The following FREM3 variants were observed in gnomAD, a reference collection of about 807,000 sequenced individuals.
FREM3 encodes FRAS1 related extracellular matrix 3, also known as FRAS1-related extracellular matrix protein 3.
In FREM3, 105 loss-of-function variants were observed where a neutral mutation model predicts 129.1. The observed-to-expected ratio is 0.81, with a 90% CI of 0.69 to 0.96. FREM3 has a LOEUF of 0.96. FREM3 is among the 40% of genes least tolerant of loss of function. The pLI is 0.00. For missense variants in FREM3, 2,593 were observed against 2,666.3 expected (o/e 0.97, Z 0.61); for synonymous variants, 1,014 against 1,044.9 (o/e 0.97, Z 0.57).
In FREM3 at chr4:143,621,104, A is replaced by G; in HGVS notation, c.5712T>C (p.Leu1904=). Reference sequence around the variant, plus strand: ...CTCCAGATCGTCTTACTGGAATCAAAAGTTCCCCAATGTCCTCTTCTATTT... The same window carrying G: ...CTCCAGATCGTCTTACTGGAATCAAGAGTTCCCCAATGTCCTCTTCTATTT... ...EYKIEEDIGE[L]LIPVRRSGDA... Residue 1904 remains leucine (L), a synonymous_variant, in exon 5 of 8, where the codon CTT becomes CTC. Transcript: ENST00000329798. 1 of 1,537,150 alleles carries G rather than the reference A, an allele frequency of 6.5e-7. No individual in the cohort carries two copies.
At chr4:143,662,190 G>A (rs1256769732) in intron 2 of FREM3, among the ~76,000 whole-genome samples, 6 of 152,098 alleles carry the variant, frequency 3.9e-5, no homozygotes, top group Admixed American at 2.0e-4. Flanking sequence ...TAGGGTGTCA[G>A]TTTTGGATCT....
chr4:143,692,931 C>T lies in FREM3; in HGVS notation c.5275+182G>A, dbSNP rs1195329137. ...TCCTAAAAAGTTATTTATCAAGAAT[C>T]GTTTGGCACAGGACCATAAGTGAAA... On this transcript the variant is annotated intron_variant, in intron 2 of 7. Coordinates refer to ENST00000329798, the MANE Select transcript of FREM3 (RefSeq NM_001168235.2). 3.3e-5 allele frequency among the ~76,000 whole-genome samples: 5 copies of T among 152,036 alleles called. 1 individual carries two copies. The highest frequency in any genetic ancestry group is 4.1e-4 in the South Asian group (2 of 4,824).
rs1205645299 is a variant in FREM3 at position 143,700,118 on chromosome 4, G to A, written c.558C>T (p.Arg186=). The change falls in exon 1 of 8, where the codon CGC becomes CGT. Residue 186 remains arginine, a synonymous_variant. Coordinates refer to ENST00000329798, the MANE Select transcript of FREM3 (RefSeq NM_001168235.2). ...AGTCCAGCACTCTCCTGTCTATGGC[G>A]CGGCTCCAGCTTCGCAGCTTCTCCA... is the stretch of plus-strand genomic sequence containing the variant. ...LVVEKLRSWS[R]AIDRRVLDFA... is the part of the protein sequence containing the mutation. 7 of 1,537,030 alleles carry A rather than the reference G, an allele frequency of 4.6e-6. No homozygotes were observed. Among genetic ancestry groups the A allele is most frequent in the South Asian group, 1.2e-5 (1 of 84,062 alleles).
chr4:143,662,019 G>T (rs977977931), intron 2 of FREM3, among the ~76,000 whole-genome samples: 1 of 151,578 alleles, frequency 6.6e-6, no homozygotes, highest in East Asian at 1.9e-4. Flanking sequence ...TATCAATTTT[G>T]TTGATCCTTT....
Position 143,699,822 on chromosome 4 carries a change from A to AGCACACCCGCGGACCC in FREM3, c.838_853dup (p.Leu285ArgfsTer49). 6.5e-7 allele frequency: 1 copy of AGCACACCCGCGGACCC among 1,536,552 alleles called. No individual in the cohort carries two copies. ...GAGCAGCTGGAAGTGCTCGCGGACCAGCACACCCGCGGACCCAGCGTCTTG... is the reference window on the plus strand; with the variant it reads ...GAGCAGCTGGAAGTGCTCGCGGACCAGCACACCCGCGGACCCGCACACCCGCGGACCCAGCGTCTTG... On this transcript the variant is annotated frameshift_variant, in exon 1 of 8. Transcript: ENST00000329798. LOFTEE classifies it high-confidence loss of function. The surrounding 1 kb of genome is among the most constrained non-coding windows in gnomAD (Gnocchi z 4.2).
chr4:143,608,030 T>G (rs946303369), intron 6 of FREM3, among the ~76,000 whole-genome samples: 5 of 152,102 alleles, frequency 3.3e-5, no homozygotes, highest in African/African-American at 1.2e-4. Context: ...TCAGCTCCCC[T>G]TTTTCTCTGT....
chr4:143,591,807 G>T (rs1199909519), intron 6 of FREM3, among the ~76,000 whole-genome samples: 6 of 152,104 alleles, frequency 3.9e-5, no homozygotes, highest in Non-Finnish European at 8.8e-5. Context: ...TTAACTTTCT[G>T]TCTCACTGAT....
Position 143,698,703 on chromosome 4 carries a change from C to T in FREM3, c.1973G>A (p.Arg658His), listed in dbSNP as rs190876969. The T allele has an allele frequency of 5.3e-5, 81 of 1,537,192 alleles. No homozygotes were observed. Among genetic ancestry groups the T allele is most frequent in the African/African-American group, 2.3e-4 (17 of 73,012 alleles). ...RDIMEGRLFY[R>H]HLGPHSPQSV... ...TTGAGGGCTGTGTGGTCCAAGATGG[C>T]GGTAGAAGAGTCTCCCTTCCATTAT... The change falls in exon 1 of 8, where the codon CGC becomes CAC. Residue 658 changes from arginine (R) to histidine (H), a missense_variant. Coordinates refer to ENST00000329798, the MANE Select transcript of FREM3 (RefSeq NM_001168235.2).
At chr4:143,680,603 T>C (rs1015816030) in intron 2 of FREM3, among the ~76,000 whole-genome samples, 2 of 152,136 alleles carry the variant, frequency 1.3e-5, no homozygotes, top group African/African-American at 2.4e-5. Flanking sequence ...TTGACACTTA[T>C]ACTTTTCTTA....
At chr4:143,671,931 A>T (rs947707611) in intron 2 of FREM3, among the ~76,000 whole-genome samples, 6 of 152,188 alleles carry the variant, frequency 3.9e-5, no homozygotes, top group Non-Finnish European at 2.9e-5. Context: ...TCTGAATGAG[A>T]TTTTATAGTC....
intron 6 of FREM3, among the ~76,000 whole-genome samples, chr4:143,587,974 T>C (rs1028611979): frequency 6.6e-6 from 1 of 152,212 alleles, no homozygotes; most frequent in Non-Finnish European, 1.5e-5. Flanking sequence ...GCAACCTTCC[T>C]GCATCCTCTG....
In FREM3 at chr4:143,696,082, C is replaced by T. The variant is rs1310526321; in HGVS notation, c.4594G>A (p.Asp1532Asn). 6.5e-7 allele frequency: 1 copy of T among 1,537,526 alleles called. No individual in the cohort carries two copies. The highest frequency in any genetic ancestry group is 8.7e-7 in the Non-Finnish European group (1 of 1,146,986). The change falls in exon 1 of 8, where the codon GAT (aspartate) becomes AAT (asparagine). Residue 1532 changes from aspartate (D) to asparagine (N), a missense_variant. Asp to Asn is a conservative substitution (Grantham distance 23, BLOSUM62 1). Transcript: ENST00000329798. ...VFRTFRIFIT[D>N]VDNKKPILTI... ...AAGATAGGTTTCTTATTATCCACATCAGTGATGAAGATCCTGAAGGTTCTG... is the reference window on the plus strand; with the variant it reads ...AAGATAGGTTTCTTATTATCCACATTAGTGATGAAGATCCTGAAGGTTCTG...
chr4:143,595,638 A>G (rs1738458878), intron 6 of FREM3, among the ~76,000 whole-genome samples: 1 of 152,172 alleles, frequency 6.6e-6, no homozygotes, highest in Non-Finnish European at 1.5e-5. Context: ...CTGTAATCCC[A>G]GCACTTTGGG....
At chr4:143,588,210 T>C (rs1738277394) in intron 6 of FREM3, among the ~76,000 whole-genome samples, 1 of 152,176 alleles carries the variant, frequency 6.6e-6, no homozygotes, top group African/African-American at 2.4e-5. Flanking sequence ...TGCAAAAATG[T>C]TAAATTTACC....
chr4:143,629,778 A>G (rs1458225520), intron 2 of FREM3, among the ~76,000 whole-genome samples: 1 of 152,118 alleles, frequency 6.6e-6, no homozygotes, highest in Non-Finnish European at 1.5e-5. Context: ...GGACAGTTTC[A>G]GGAGGATGAG....
Position 143,697,963 on chromosome 4 carries a change from CA to C in FREM3, c.2712del (p.His904GlnfsTer16). ...DVINGSVSYQHGRDQTTTSDT... is the reference protein window; with the variant it reads ...DVINGSVSYQXGRDQTTTSDT... ...TCACTGGTAGTCGTCTGGTCTCTGC[CA>C]TGCTGGTAAGAGACACTCCCGTTAA... On this transcript the variant is annotated frameshift_variant, in exon 1 of 8. Coordinates refer to ENST00000329798, the MANE Select transcript of FREM3 (RefSeq NM_001168235.2). LOFTEE classifies it high-confidence loss of function. 1 of 1,537,724 alleles carries C rather than the reference CA, an allele frequency of 6.5e-7. No individual in the cohort carries two copies. The highest frequency in any genetic ancestry group is 8.7e-7 in the Non-Finnish European group (1 of 1,147,036).
Position 143,700,504 on chromosome 4 carries a change from C to A in FREM3, c.172G>T (p.Asp58Tyr). 1 of 1,515,084 alleles carries A rather than the reference C, an allele frequency of 6.6e-7. No individual in the cohort carries two copies. Among genetic ancestry groups the A allele is most frequent in the Non-Finnish European group, 8.8e-7 (1 of 1,134,508 alleles). 93.9% of individuals were successfully genotyped at this position (1,515,084 alleles called of 1,614,324 possible). A position where few individuals can be genotyped will look rare whatever the true frequency, so the allele number is the denominator to read the frequency against. ...TTGGCAATCAGCACGCTGGGGCCGT[C>A]GGGGCGAGTGCCGTCAAGCGCACCC... ...ARGALDGTRP[D>Y]GPSVLIANPG... is the part of the protein sequence containing the mutation. Residue 58 changes from aspartate (D) to tyrosine (Y), a missense_variant, in exon 1 of 8, where the codon GAC becomes TAC. This residue lies in a region of FREM3 where 2,276 missense variants were observed against 2,267.2 expected (regional missense o/e 1.00). Transcript: ENST00000329798.
rs78946991 is a variant in FREM3, at chr4:143,627,302, T to C, written c.5422+312A>G. On this transcript the variant is annotated intron_variant, in intron 3 of 7. Transcript: ENST00000329798. ...TGCTTAAAACAACTTTTAAGGAAATTGAGTGACTTGAAGATTGTGGGATGG... is the reference window on the plus strand; with the variant it reads ...TGCTTAAAACAACTTTTAAGGAAATCGAGTGACTTGAAGATTGTGGGATGG... 9.6e-3 allele frequency among the ~76,000 whole-genome samples: 1,455 copies of C among 152,286 alleles called. 29 individuals are homozygous for C. Among genetic ancestry groups the C allele is most frequent in the African/African-American group, 0.033 (1,371 of 41,560 alleles).
chr4:143,577,939 T>C, intron 7 of FREM3, 87 bp from the exon 8 acceptor site: 1 of 1,361,940 alleles, frequency 7.3e-7, no homozygotes, highest in South Asian at 1.5e-5. Flanking sequence ...TCACCAACTC[T>C]GCGGCATTCA....
Sources: gnomAD v4.1 joint callset for allele counts (sites outside exome capture counted in the v4.1 genomes callset) on GRCh38, gnomAD v4.1.1 for gene constraint, gnomAD v4.1.1 regional missense constraint, Gnocchi (gnomAD v3.1) non-coding constraint, MANE v1.5 for transcripts, NCBI Gene and HGNC (gene_info 2026-07-23, HGNC 2026-07-21) for gene names.